SLCO2B1: variants seen among roughly 807,000 people sequenced by gnomAD.
The protein encoded by SLCO2B1 is solute carrier organic anion transporter family member 2B1, also known as OATP-RP2.
A neutral mutation model predicts 67.3 loss-of-function variants in SLCO2B1; 41 were observed. The ratio of observed to expected loss-of-function variants is 0.61; its 90% confidence interval spans 0.47 to 0.79. The LOEUF is 0.79. Among genes scored for constraint, SLCO2B1 ranks in the 30% least tolerant of loss-of-function variants. The pLI is 0.00. For synonymous variants in SLCO2B1, 379 were observed against 381.4 expected, an observed-to-expected ratio of 0.99 and a Z score of 0.07; for missense variants, 837 against 920.1, an observed-to-expected ratio of 0.91 and a Z score of 1.17.
chr11:75,180,875 T>C (rs994224485), intron 7 of SLCO2B1, among the ~76,000 whole-genome samples: 3 of 152,160 alleles, frequency 2.0e-5, no homozygotes, highest in African/African-American at 7.2e-5. Context: ...AGCTAGTAAA[T>C]GGTGAAACCA....
chr11:75,193,673 C>T lies in SLCO2B1; in HGVS notation c.1433+98C>T. On this transcript the variant is annotated intron_variant, in intron 9 of 13. Transcript: ENST00000289575. This position sits in a 1 kb window ranked among gnomAD's most constrained non-coding sequence, Gnocchi z 4.2. ...GGCCAGGATGGCAGGGCAACCCCTG[C>T]CTCAAATCTTGCCTCCCCAGTTCTG... 6 of 1,126,320 alleles carry T rather than the reference C, an allele frequency of 5.3e-6. No individual in the cohort carries two copies. Among genetic ancestry groups the T allele is most frequent in the Non-Finnish European group, 7.5e-6 (6 of 804,384 alleles). 69.8% of individuals were successfully genotyped at this position (1,126,320 alleles called of 1,614,324 possible).
intron 9 of SLCO2B1, 126 bp from the exon 10 acceptor site, chr11:75,196,388 A>G: frequency 2.1e-6 from 2 of 957,402 alleles, no homozygotes; most frequent in Non-Finnish European, 3.1e-6. Context: ...AGCCCTGATG[A>G]TGAAAATCCT....
rs1460502571 is a variant in SLCO2B1 at position 75,206,077 on chromosome 11, A to C, written c.*1497A>C. ...TTATTTTGCTGGTTGGTATCTGTAA[A>C]TGTTTAATAAATATCTGAGCATGTA... is the stretch of plus-strand genomic sequence containing the variant. On this transcript the variant is annotated 3_prime_UTR_variant, in exon 14 of 14. Transcript: ENST00000289575. 6.6e-6 allele frequency: 1 copy of C among 152,240 alleles called. No homozygotes were observed. The highest frequency in any genetic ancestry group is 1.5e-5 in the Non-Finnish European group (1 of 68,040). The allele number at this position is 152,240 out of a possible 1,614,324, so 9.4% of individuals were successfully genotyped here.
At chr11:75,181,636 C>T (rs1356869086) in intron 7 of SLCO2B1, among the ~76,000 whole-genome samples, 1 of 152,112 alleles carries the variant, frequency 6.6e-6, no homozygotes, top group African/African-American at 2.4e-5. Flanking sequence ...ACTTAGTTCT[C>T]ACCAAGGATA....
chr11:75,170,399 G>A (rs1250095456), intron 6 of SLCO2B1, among the ~76,000 whole-genome samples: 6 of 152,160 alleles, frequency 3.9e-5, no homozygotes, highest in Admixed American at 2.6e-4. Context: ...TGGGACTGAC[G>A]CTTGGTCTGA....
chr11:75,190,203 G>A (rs369018339), intron 8 of SLCO2B1, among the ~76,000 whole-genome samples: 44 of 152,192 alleles, frequency 2.9e-4, no homozygotes, highest in African/African-American at 9.4e-4. Context: ...TTCTGAAATT[G>A]GAACCTAGAG....
At position 75,169,681 on chromosome 11, in the gene SLCO2B1, T is replaced by C; in HGVS notation, c.698T>C (p.Val233Ala). 2 of 1,613,018 alleles carry C rather than the reference T, an allele frequency of 1.2e-6. No homozygotes were observed. Among genetic ancestry groups the C allele is most frequent in the Non-Finnish European group, 8.5e-7 (1 of 1,179,510 alleles). The change falls in exon 6 of 14, where the codon GTG becomes GCG. Residue 233 changes from valine (V) to alanine (A), a missense_variant. Physicochemically the swap from Val to Ala is moderately conservative, Grantham distance 64. Transcript: ENST00000289575. ...SPLYLGILFA[V>A]TMMGPGLAFG... ...TGTGTTGTAGGGATCCTGTTTGCAGTGACCATGATGGGGCCAGGCCTGGCC... is the reference window on the plus strand; with the variant it reads ...TGTGTTGTAGGGATCCTGTTTGCAGCGACCATGATGGGGCCAGGCCTGGCC...
Position 75,172,404 on chromosome 11 carries a change from C to G in SLCO2B1, c.807C>G (p.Asp269Glu). ...GTGGTATCAGCCTGACCATAAAGGA[C>G]CCCCGATGGGTGGGTGCCTGGTGGC... ...PEGGISLTIK[D>E]PRWVGAWWLG... Residue 269 changes from aspartate to glutamate, a missense_variant, in exon 7 of 14, where the codon GAC (aspartate) becomes GAG (glutamate). Physicochemically the swap from Asp to Glu is conservative, Grantham distance 45. Coordinates refer to ENST00000289575, the MANE Select transcript of SLCO2B1 (RefSeq NM_007256.5). 6.2e-7 allele frequency: 1 copy of G among 1,613,906 alleles called. No homozygotes were observed. Among genetic ancestry groups the G allele is most frequent in the Non-Finnish European group, 8.5e-7 (1 of 1,179,852 alleles).
chr11:75,180,393 A>G (rs906080801), intron 7 of SLCO2B1, among the ~76,000 whole-genome samples: 1 of 152,152 alleles, frequency 6.6e-6, no homozygotes, highest in Non-Finnish European at 1.5e-5. Context: ...CGAAGTTTCT[A>G]TTTTTAACTT....
At chr11:75,172,928 C>CAA (rs59869396) in intron 7 of SLCO2B1, among the ~76,000 whole-genome samples, 221 of 140,642 alleles carry the variant, frequency 1.6e-3, no homozygotes, top group African/African-American at 4.7e-3. Flanking sequence ...GACTCCGTCT[C>CAA]AAAAAAAAAA....
intron 1 of SLCO2B1, among the ~76,000 whole-genome samples, chr11:75,160,167 C>T (rs988957912): frequency 6.6e-6 from 1 of 152,226 alleles, no homozygotes; most frequent in Admixed American, 6.5e-5. Context: ...CGCTCTCTCA[C>T]CTGGTTGGCT....
chr11:75,185,411 C>G (rs190224336), intron 7 of SLCO2B1, among the ~76,000 whole-genome samples: 188 of 152,174 alleles, frequency 1.2e-3, no homozygotes, highest in Admixed American at 2.6e-3. Context: ...CGTGGGGAAG[C>G]CTTGCCTGCG....
chr11:75,179,963 G>T (rs928747884), intron 7 of SLCO2B1, among the ~76,000 whole-genome samples: 1 of 151,674 alleles, frequency 6.6e-6, no homozygotes, highest in Non-Finnish European at 1.5e-5. Context: ...AAGTGTTGGG[G>T]TTACAGGCGT....
intron 10 of SLCO2B1, 117 bp downstream of exon 10, chr11:75,196,796 GTCTC>G: frequency 1.1e-6 from 1 of 939,558 alleles, no homozygotes; most frequent in Non-Finnish European, 1.6e-6. Context: ...TCGTCTCTCT[GTCTC>G]TCTCTGTTGG....
chr11:75,169,896 C>G lies in SLCO2B1; in HGVS notation c.781+132C>G. ...ACCTTGGGCAAGTCTCTTAGCCTCT[C>G]TGAACCTCAGCTTTCTCATCTGTGA... On this transcript the variant is annotated intron_variant, in intron 6 of 13. Transcript: ENST00000289575. 4.5e-6 allele frequency: 3 copies of G among 667,776 alleles called. No individual in the cohort carries two copies. The South Asian group carries it at 5.4e-5, about 12-fold the overall frequency. The allele number at this position is 667,776 out of a possible 1,614,324, so 41.4% of individuals were successfully genotyped here.
chr11:75,166,819 T>C (rs2712814), intron 4 of SLCO2B1, among the ~76,000 whole-genome samples: 65,718 of 151,740 alleles, frequency 0.43, 16,836 homozygotes, highest in Non-Finnish European at 0.58. Context: ...AGCACAGGGG[T>C]GGGAGGAGCC....
chr11:75,199,878 C>T (rs550744447), intron 10 of SLCO2B1: 10 of 279,528 alleles, frequency 3.6e-5, no homozygotes, highest in African/African-American at 1.5e-4. Context: ...GGGGCAAGCC[C>T]GGGGACATGG....
intron 8 of SLCO2B1, among the ~76,000 whole-genome samples, chr11:75,192,102 C>G (rs376652033): frequency 1.4e-4 from 21 of 152,122 alleles, no homozygotes; most frequent in African/African-American, 3.9e-4. Flanking sequence ...CTCCCCAGAT[C>G]CCCCCCACCA....
intron 9 of SLCO2B1, 185 bp from the exon 10 acceptor site, chr11:75,196,329 A>T: frequency 1.7e-6 from 1 of 604,330 alleles, no homozygotes; most frequent in South Asian, 2.1e-5. Flanking sequence ...CTGTCTCCAT[A>T]CTTGCCCACC....
Sources: gnomAD v4.1 joint callset for allele counts (sites outside exome capture counted in the v4.1 genomes callset) on GRCh38, gnomAD v4.1.1 for gene constraint, Gnocchi (gnomAD v3.1) non-coding constraint, MANE v1.5 for transcripts, NCBI Gene and HGNC (gene_info 2026-07-23, HGNC 2026-07-21) for gene names.